PSORS1C1: variants seen among roughly 807,000 people sequenced by gnomAD.
PSORS1C1 encodes psoriasis susceptibility 1 candidate gene 1 protein.
Under a neutral mutation model 9.4 loss-of-function variants are expected in PSORS1C1, and 7 were observed. The ratio of observed to expected loss-of-function variants is 0.75; its 90% CI spans 0.42 to 1.40. The LOEUF (loss-of-function observed/expected upper bound fraction) is 1.40. Ranked by LOEUF, PSORS1C1 falls within the 40% of genes most tolerant of loss-of-function variation. The pLI is 0.01. For synonymous variants in PSORS1C1, 63 were observed against 69.4 expected (o/e 0.91, Z 0.46); for missense variants, 146 against 178.1 (o/e 0.82, Z 1.02).
At chr6:31,130,159 AG>A (rs1269115497) in intron 3 of PSORS1C1, among the ~76,000 whole-genome samples, 2 of 151,910 alleles carry the variant, frequency 1.3e-5, no homozygotes, top group Middle Eastern at 3.2e-3. Flanking sequence ...TATTGGCTTG[AG>A]GGTCAGTTTG....
At chr6:31,137,286 C>T (rs2150977415) in intron 3 of PSORS1C1, among the ~76,000 whole-genome samples, 1 of 148,004 alleles carries the variant, frequency 6.8e-6, no homozygotes, top group South Asian at 2.2e-4. Flanking sequence ...GAAACCCCGC[C>T]TCTACTAAAA....
chr6:31,136,390 C>CAAA (rs11311116), intron 3 of PSORS1C1, among the ~76,000 whole-genome samples: 9 of 102,710 alleles, frequency 8.8e-5, no homozygotes, highest in Admixed American at 4.0e-4. Flanking sequence ...TAATACGTCT[C>CAAA]AAAAAAAAAA....
At chr6:31,120,362 G>A in intron 1 of PSORS1C1, 1 of 1,593,216 alleles carries the variant, frequency 6.3e-7, no homozygotes. Context: ...GCCAGCAGCA[G>A]TGCCATCATC....
chr6:31,136,883 G>C (rs1397761203), intron 3 of PSORS1C1, among the ~76,000 whole-genome samples: 1 of 152,246 alleles, frequency 6.6e-6, no homozygotes, highest in Non-Finnish European at 1.5e-5. Flanking sequence ...GGGCACGGTG[G>C]CTCACGCCTG....
In PSORS1C1 at chr6:31,138,103, G is replaced by A; in HGVS notation, c.14-327G>A. The A allele has an allele frequency of 8.1e-6, 13 of 1,601,382 alleles. No individual in the cohort carries two copies. The South Asian group carries it at 1.2e-4, about 15-fold the overall frequency. On this transcript the variant is annotated intron_variant, in intron 3 of 5. Transcript: ENST00000259881. ...GGAGGTTGAGGAGGATCCGTTCTAG[G>A]CGGTTCAGGGAGCCAGACTCCAGTT... is the stretch of plus-strand genomic sequence containing the variant.
chr6:31,135,178 T>G (rs3130569), intron 3 of PSORS1C1, among the ~76,000 whole-genome samples: 72,921 of 151,948 alleles, frequency 0.48, 19,438 homozygotes, highest in African/African-American at 0.72. Context: ...CCAAAGGGTA[T>G]GCTTTTCAAG....
At chr6:31,127,086 G>T (rs925940167) in intron 2 of PSORS1C1, among the ~76,000 whole-genome samples, 5 of 152,186 alleles carry the variant, frequency 3.3e-5, no homozygotes, top group Admixed American at 2.6e-4. Context: ...ATTGTTACTG[G>T]TCACCCAGAA....
intron 2 of PSORS1C1, 80 bp downstream of exon 2, chr6:31,125,919 C>G (rs1404879496): frequency 6.6e-6 from 1 of 152,314 alleles, no homozygotes; most frequent in Non-Finnish European, 1.5e-5. Context: ...AAGAATGTGT[C>G]CAGGCTGTGC....
chr6:31,138,061 A>C, intron 3 of PSORS1C1: 1 of 1,542,324 alleles, frequency 6.5e-7, no homozygotes, highest in Non-Finnish European at 8.7e-7. Context: ...CCTGCCGGCC[A>C]AGGGTCGTCA....
At chr6:31,120,442 C>A in intron 1 of PSORS1C1, 1 of 1,554,698 alleles carries the variant, frequency 6.4e-7, no homozygotes, top group Non-Finnish European at 8.7e-7. Context: ...GGCCTCCTGA[C>A]TGATGGCAGC....
At chr6:31,122,582 C>G (rs963823569) in intron 1 of PSORS1C1, among the ~76,000 whole-genome samples, 2 of 152,014 alleles carry the variant, frequency 1.3e-5, no homozygotes, top group African/African-American at 4.8e-5. Context: ...TCGAGATCAG[C>G]CTGGCCAACA....
chr6:31,118,300 C>T (rs1772275413), intron 1 of PSORS1C1: 1 of 152,500 alleles, frequency 6.6e-6, no homozygotes, highest in African/African-American at 2.4e-5. Flanking sequence ...TATTTCCTAT[C>T]TCAGCACTGG....
At chr6:31,138,055 C>T in intron 3 of PSORS1C1, 3 of 1,536,618 alleles carry the variant, frequency 2.0e-6, no homozygotes, top group South Asian at 2.5e-5. Flanking sequence ...TGGGGTCCTG[C>T]CGGCCAAGGG....
At position 31,138,415 on chromosome 6, in the gene PSORS1C1, C is replaced by T. The variant is rs753786844; in HGVS notation, c.14-15C>T. On this transcript the variant is annotated splice_polypyrimidine_tract_variant and intron_variant, in intron 3 of 5. Transcript: ENST00000259881. ...CCTGTCTGGATGGACGCAGCCTGAA[C>T]TGACCCACAAACAGACCAAAAAAGT... 5.0e-5 allele frequency: 79 copies of T among 1,591,880 alleles called. No homozygotes were observed. The highest frequency in any genetic ancestry group is 6.8e-5 in the Non-Finnish European group (79 of 1,167,216).
Position 31,128,012 on chromosome 6 carries a change from C to G in PSORS1C1, c.-64-1557C>G, listed in dbSNP as rs1486646249. On this transcript the variant is annotated intron_variant, in intron 2 of 5. Coordinates refer to ENST00000259881, the MANE Select transcript of PSORS1C1 (RefSeq NM_014068.3). The surrounding 1 kb of genome is among the most constrained non-coding windows in gnomAD (Gnocchi z 4.3). ...TCCCTTTGACTGGCTGTGGTATCCT[C>G]TCCTGTAGACCGCTGGCTCATGAAA... Among the ~76,000 whole-genome samples the G allele has an allele frequency of 6.6e-6, 1 of 152,212 alleles. No individual in the cohort carries two copies. The highest frequency in any genetic ancestry group is 1.5e-5 in the Non-Finnish European group (1 of 68,036).
chr6:31,116,635 T>C, intron 1 of PSORS1C1: 1 of 1,613,082 alleles, frequency 6.2e-7, no homozygotes, highest in Non-Finnish European at 8.5e-7. Flanking sequence ...CACAGGGTTC[T>C]CTTTGGTGAA....
At chr6:31,116,824 G>A (rs1356052286) in intron 1 of PSORS1C1, 4 of 1,614,028 alleles carry the variant, frequency 2.5e-6, no homozygotes, top group South Asian at 1.1e-5. Context: ...CACTCCAGGG[G>A]CACCAGAACC....
At chr6:31,120,350 C>T in intron 1 of PSORS1C1, 1 of 1,588,342 alleles carries the variant, frequency 6.3e-7, no homozygotes, top group South Asian at 1.2e-5. Context: ...AGGAGGAGAC[C>T]AGCCAGCAGC....
At chr6:31,121,174 G>GGA (rs1554340532) in intron 1 of PSORS1C1, among the ~76,000 whole-genome samples, 1 of 54,926 alleles carries the variant, frequency 1.8e-5, no homozygotes, top group Non-Finnish European at 3.2e-5. Flanking sequence ...TGGCGGGGGT[G>GGA]GGGGGGTGCT....
Sources: allele counts gnomAD v4.1 joint callset (sites outside exome capture counted in the v4.1 genomes callset), GRCh38; gene constraint gnomAD v4.1.1; non-coding constraint Gnocchi (gnomAD v3.1); transcripts MANE v1.5; gene names NCBI Gene and HGNC (gene_info 2026-07-23, HGNC 2026-07-21).